Variants in PARD3 observed in about 807,000 individuals in gnomAD.
PARD3 encodes the protein partitioning defective 3 homolog.
Under a neutral mutation model 155.4 loss-of-function variants are expected in PARD3, and 75 were observed. That is an observed-to-expected ratio of 0.48 (90% CI 0.40 to 0.58). The LOEUF is 0.58. Ranked by LOEUF, PARD3 falls within the 20% of genes least tolerant of loss-of-function variation. The pLI, the probability that PARD3 is intolerant of heterozygous loss-of-function variation, is 0.00. For missense variants in PARD3, 1,642 were observed against 1,721.7 expected, an observed-to-expected ratio of 0.95 and a Z score of 0.82; for synonymous variants, 576 against 610.5, an observed-to-expected ratio of 0.94 and a Z score of 0.83.
intron 14 of PARD3, among the ~76,000 whole-genome samples, chr10:34,349,344 T>C (rs750827541): frequency 9.9e-5 from 15 of 152,058 alleles, no homozygotes; most frequent in Admixed American, 2.0e-4. Context: ...ACAATTACAA[T>C]TGGAGGCACA....
chr10:34,392,279 G>A (rs890772597), intron 7 of PARD3, among the ~76,000 whole-genome samples: 1 of 150,744 alleles, frequency 6.6e-6, no homozygotes. Context: ...AAATAAAGAG[G>A]GGAAAAGTCA....
chr10:34,171,778 C>G (rs937107746), intron 22 of PARD3, among the ~76,000 whole-genome samples: 1 of 151,426 alleles, frequency 6.6e-6, no homozygotes, highest in Non-Finnish European at 1.5e-5. Context: ...GGTGAAATCC[C>G]GTTTCTACTA....
intron 22 of PARD3, among the ~76,000 whole-genome samples, chr10:34,245,576 G>GAAATA (rs1554817401): frequency 2.7e-5 from 4 of 148,164 alleles, no homozygotes; most frequent in African/African-American, 1.0e-4. Context: ...ATACATCCCT[G>GAAATA]AAACAAAACA....
intron 1 of PARD3, among the ~76,000 whole-genome samples, chr10:34,784,968 A>G (rs2134198327): frequency 6.6e-6 from 1 of 152,292 alleles, no homozygotes; most frequent in East Asian, 1.9e-4. Context: ...AAATCTCATC[A>G]CTAAGTTTCC....
intron 15 of PARD3, 151 bp downstream of exon 15, chr10:34,347,814 T>C: frequency 3.6e-6 from 2 of 554,412 alleles, no homozygotes; most frequent in Non-Finnish European, 5.6e-6. Context: ...ATGATTTTAA[T>C]AAACCTGTTC....
intron 24 of PARD3, among the ~76,000 whole-genome samples, chr10:34,117,996 T>C (rs2132665457): frequency 6.6e-6 from 1 of 152,302 alleles, no homozygotes; most frequent in East Asian, 1.9e-4. Context: ...GTTTGAATGC[T>C]GGCAAAATGA....
chr10:34,654,501 C>A (rs1590429725), intron 2 of PARD3, among the ~76,000 whole-genome samples: 1 of 152,226 alleles, frequency 6.6e-6, no homozygotes, highest in Admixed American at 6.5e-5. Context: ...GGAAAAATAT[C>A]TATAACTCTC....
At chr10:34,287,332 T>C (rs1172540975) in intron 20 of PARD3, among the ~76,000 whole-genome samples, 2 of 152,216 alleles carry the variant, frequency 1.3e-5, no homozygotes, top group East Asian at 3.9e-4. Flanking sequence ...TTTCAAATGA[T>C]ACAATGTTGC....
intron 4 of PARD3, among the ~76,000 whole-genome samples, chr10:34,461,635 GAAATGAGATC>G (rs1347790326): frequency 1.3e-5 from 2 of 151,970 alleles, no homozygotes. Flanking sequence ...ATAAAAAGAT[GAAATGAGATC>G]AAATGAGATT....
At chr10:34,498,472 T>A (rs1048399298) in intron 3 of PARD3, among the ~76,000 whole-genome samples, 1 of 152,156 alleles carries the variant, frequency 6.6e-6, no homozygotes, top group Non-Finnish European at 1.5e-5. Context: ...TATGAATACT[T>A]GAAGTAAAAA....
intron 2 of PARD3, among the ~76,000 whole-genome samples, chr10:34,522,801 G>A (rs1036705986): frequency 3.3e-5 from 5 of 152,000 alleles, no homozygotes; most frequent in African/African-American, 7.2e-5. Context: ...TCACTTAACA[G>A]GAAGCAAAGC....
intron 1 of PARD3, among the ~76,000 whole-genome samples, chr10:34,812,434 G>A (rs767471600): frequency 2.6e-5 from 4 of 151,988 alleles, no homozygotes; most frequent in African/African-American, 4.8e-5. Context: ...TAGGCAATAC[G>A]GATAAGGAAC....
chr10:34,650,898 C>A (rs2092989750), intron 2 of PARD3, among the ~76,000 whole-genome samples: 1 of 151,792 alleles, frequency 6.6e-6, no homozygotes. Flanking sequence ...GTAATCCCAG[C>A]TACTCGGGAG....
chr10:34,620,541 C>T (rs1167906952), intron 2 of PARD3, among the ~76,000 whole-genome samples: 6 of 152,180 alleles, frequency 3.9e-5, no homozygotes, highest in African/African-American at 7.2e-5. Context: ...AAGGAAACGA[C>T]GAGGCTGTTT....
chr10:34,669,959 A>C (rs1275075408), intron 2 of PARD3, among the ~76,000 whole-genome samples: 2 of 152,260 alleles, frequency 1.3e-5, no homozygotes, highest in Non-Finnish European at 2.9e-5. Context: ...TAAAAGATTT[A>C]TAGTGAAAAG....
rs1958323497 is a variant in PARD3 at position 34,320,782 on chromosome 10, G to A, written c.2834-3444C>T. ...CCTCTGTTTCCTGCCCCAAGCCAGTGGACTGTTTAAAATGACACTTGCACA... is the reference window on the plus strand; with the variant it reads ...CCTCTGTTTCCTGCCCCAAGCCAGTAGACTGTTTAAAATGACACTTGCACA... On this transcript the variant is annotated intron_variant, in intron 19 of 24. Coordinates refer to ENST00000374788, the MANE Select transcript of PARD3 (RefSeq NM_001184785.2). Among the ~76,000 whole-genome samples the A allele has an allele frequency of 3.9e-5, 6 of 152,248 alleles. No individual in the cohort carries two copies. The South Asian group carries it at 1.2e-3, about 32-fold the overall frequency.
At chr10:34,136,987 C>A (rs150091277) in intron 22 of PARD3, among the ~76,000 whole-genome samples, 5 of 152,274 alleles carry the variant, frequency 3.3e-5, no homozygotes, top group Non-Finnish European at 7.3e-5. Flanking sequence ...AATTGATCAG[C>A]AAATATTTGT....
intron 1 of PARD3, among the ~76,000 whole-genome samples, chr10:34,806,709 G>C (rs150988491): frequency 1.3e-5 from 2 of 152,166 alleles, no homozygotes; most frequent in South Asian, 4.1e-4. Flanking sequence ...TCAAAGTTGG[G>C]GGGGTCGGGG....
chr10:34,616,716 G>A (rs2091280080), intron 2 of PARD3, among the ~76,000 whole-genome samples: 1 of 152,050 alleles, frequency 6.6e-6, no homozygotes, highest in Non-Finnish European at 1.5e-5. Context: ...AAGGAAGGAG[G>A]ACTGCTTCAG....
Sources: allele counts gnomAD v4.1 joint callset (sites outside exome capture counted in the v4.1 genomes callset), GRCh38; gene constraint gnomAD v4.1.1; transcripts MANE v1.5; gene names NCBI Gene and HGNC (gene_info 2026-07-23, HGNC 2026-07-21).